Variants in RSAD2 observed in about 807,000 individuals in gnomAD.
The protein encoded by RSAD2 is S-adenosylmethionine-dependent nucleotide dehydratase RSAD2.
Under a neutral mutation model 37.7 loss-of-function variants are expected in RSAD2, and 38 were observed. The observed-to-expected ratio is 1.01, with a 90% CI of 0.78 to 1.32. The LOEUF is 1.32. Ranked by LOEUF, RSAD2 falls within the 40% of genes most tolerant of loss-of-function variation. The pLI is 0.00. For synonymous variants in RSAD2, 163 were observed against 157.4 expected (o/e 1.04, Z -0.27); for missense variants, 428 against 437.5 (o/e 0.98, Z 0.19).
At chr2:6,869,389 A>G (rs1467343336) in intron 1 of RSAD2, among the ~76,000 whole-genome samples, 2 of 54 alleles carry the variant, frequency 0.037, no homozygotes, top group Non-Finnish European at 0.14. Context: ...CATGAAAAGA[A>G]AAAAAAAATT....
rs184241723 is a variant in RSAD2 at position 6,884,882 on chromosome 2, G to T, written c.508+1350G>T. ...CAAAAATCTACAATTATAAATATTT[G>T]AAAATAATTAGAAATATTTTTAGGC... On this transcript the variant is annotated intron_variant, in intron 2 of 5. Transcript: ENST00000382040. Among the ~76,000 whole-genome samples the T allele has an allele frequency of 3.0e-3, 454 of 152,216 alleles. 3 individuals carry two copies. The highest frequency in any genetic ancestry group is 9.9e-3 in the African/African-American group (410 of 41,534).
chr2:6,866,316 G>A (rs1188827753), intron 1 of RSAD2: 15 of 521,900 alleles, frequency 2.9e-5, no homozygotes, highest in Non-Finnish European at 3.7e-5. Flanking sequence ...ATCCTGCAGA[G>A]CTGCTTTCCT....
intron 1 of RSAD2, among the ~76,000 whole-genome samples, chr2:6,883,129 C>T (rs1255042438): frequency 1.3e-5 from 2 of 152,156 alleles, no homozygotes; most frequent in African/African-American, 2.4e-5. Flanking sequence ...TCATTGTACC[C>T]TTTGGTGTCT....
intron 1 of RSAD2, chr2:6,866,123 T>G (rs1663082338): frequency 4.6e-6 from 1 of 219,622 alleles, no homozygotes. Flanking sequence ...TTATGCCGGG[T>G]GCATGGAGGG....
intron 5 of RSAD2, among the ~76,000 whole-genome samples, chr2:6,895,157 A>C (rs1277453200): frequency 1.3e-5 from 2 of 152,234 alleles, no homozygotes; most frequent in Non-Finnish European, 2.9e-5. Context: ...GGATGGAATA[A>C]GATTAAAACA....
intron 4 of RSAD2, among the ~76,000 whole-genome samples, chr2:6,891,305 C>A (rs979296233): frequency 6.6e-6 from 1 of 152,096 alleles, no homozygotes; most frequent in Non-Finnish European, 1.5e-5. Flanking sequence ...GAGGCAAGTT[C>A]ATATTGTTAG....
At position 6,883,453 on chromosome 2, in the gene RSAD2, C is replaced by T; in HGVS notation, c.429C>T (p.Cys143=). 2 of 1,614,140 alleles carry T rather than the reference C, an allele frequency of 1.2e-6. No homozygotes were observed. The highest frequency in any genetic ancestry group is 1.7e-6 in the Non-Finnish European group (2 of 1,180,038). The part of the protein sequence containing the change: ...GEYLGKLVRF[C]KVELRLPSVS... ...ACCTGGGCAAGTTGGTGAGGTTCTG[C>T]AAAGTAGAGTTGCGGCTGCCCAGCG... The change falls in exon 2 of 6, where the codon TGC becomes TGT. Residue 143 remains cysteine, a synonymous_variant. Coordinates refer to ENST00000382040, the MANE Select transcript of RSAD2 (RefSeq NM_080657.5).
upstream of RSAD2, chr2:6,876,838 C>T (rs537011273): frequency 1.8e-4 from 27 of 152,278 alleles, no homozygotes; most frequent in African/African-American, 6.0e-4. Context: ...GCCTGAGATA[C>T]GTTGCTTTGC....
At chr2:6,869,365 CACACAT>C (rs1218664781) in intron 1 of RSAD2, among the ~76,000 whole-genome samples, 2 of 142,372 alleles carry the variant, frequency 1.4e-5, no homozygotes. Flanking sequence ...CATGCACACA[CACACAT>C]ACACACTCAT....
At chr2:6,893,873 G>C (rs1663685009) in intron 5 of RSAD2, among the ~76,000 whole-genome samples, 170 bp downstream of exon 5, 1 of 152,200 alleles carries the variant, frequency 6.6e-6, no homozygotes, top group Non-Finnish European at 1.5e-5. Context: ...TCACTTCACA[G>C]GGTCAAATGT....
At chr2:6,874,196 C>T (rs1663245601), upstream of RSAD2, among the ~76,000 whole-genome samples, 1 of 152,106 alleles carries the variant, frequency 6.6e-6, no homozygotes, top group Admixed American at 6.6e-5. Flanking sequence ...CCTTTTCCTT[C>T]TGTCATGATT....
chr2:6,868,200 A>G (rs1663141200), intron 1 of RSAD2, among the ~76,000 whole-genome samples: 2 of 152,200 alleles, frequency 1.3e-5, no homozygotes, highest in Non-Finnish European at 2.9e-5. Flanking sequence ...TGCTCCTAAG[A>G]AAAAAAGAAA....
chr2:6,878,244 C>A, intron 1 of RSAD2, 98 bp downstream of exon 1: 1 of 987,076 alleles, frequency 1.0e-6, no homozygotes, highest in Non-Finnish European at 1.5e-6. Context: ...TGGAGAGCTT[C>A]TCCAAAGCTT....
chr2:6,872,283 C>A (rs1263182940), intron 1 of RSAD2, among the ~76,000 whole-genome samples: 4 of 152,136 alleles, frequency 2.6e-5, no homozygotes, highest in African/African-American at 9.7e-5. Flanking sequence ...ATACTTTTGG[C>A]TTCTTAATTC....
At position 6,877,790 on chromosome 2, in the gene RSAD2, C is replaced by A. The variant is rs766010756; in HGVS notation, c.-11C>A. ...CATACAGAGACTGCTCTGCTCCAGG[C>A]ATCTGCCACAATGTGGGTGCTTACA... On this transcript the variant is annotated 5_prime_UTR_variant, in exon 1 of 6. Transcript: ENST00000382040. 1.2e-6 allele frequency: 2 copies of A among 1,608,538 alleles called. No homozygotes were observed. The highest frequency in any genetic ancestry group is 1.7e-6 in the Non-Finnish European group (2 of 1,176,330).
rs1663802751 is a variant in RSAD2 at position 6,897,544 on chromosome 2, G to C, written c.*1602G>C. 1 of 152,154 alleles carries C rather than the reference G, an allele frequency of 6.6e-6. No homozygotes were observed. Among genetic ancestry groups the C allele is most frequent in the Admixed American group, 6.5e-5 (1 of 15,278 alleles). 9.4% of individuals were successfully genotyped at this position (152,154 alleles called of 1,614,324 possible). A position where few individuals can be genotyped will look rare whatever the true frequency, so the allele number is the denominator to read the frequency against. On this transcript the variant is annotated 3_prime_UTR_variant, in exon 6 of 6. Coordinates refer to ENST00000382040, the MANE Select transcript of RSAD2 (RefSeq NM_080657.5). ...TGTGTGTCTCATCCAGGATAGGATA[G>C]GTTGTCTTCTATTTTCCATTTTACC...
rs140820425 is a variant in RSAD2 at position 6,890,412 on chromosome 2, C to T, written c.888+87C>T. The T allele has an allele frequency of 2.2e-5, 31 of 1,410,088 alleles. No homozygotes were observed. The East Asian group carries it at 5.5e-4, about 25-fold the overall frequency. The allele number at this position is 1,410,088 out of a possible 1,614,324, so 87.3% of individuals were successfully genotyped here. On this transcript the variant is annotated intron_variant, in intron 4 of 5. Transcript: ENST00000382040. The stretch of plus-strand genomic sequence containing the variant: ...AAGTCTCTCAGCCAAGGACCCCACA[C>T]ATTGTTATTTTAGAGGGTTCGGTGG...
intron 1 of RSAD2, among the ~76,000 whole-genome samples, chr2:6,869,537 A>T (rs1381332197): frequency 2.6e-5 from 4 of 152,220 alleles, no homozygotes; most frequent in Non-Finnish European, 5.9e-5. Flanking sequence ...GTTAAAGAAG[A>T]TGTCTGCAAC....
At chr2:6,868,936 A>G (rs1663155609) in intron 1 of RSAD2, among the ~76,000 whole-genome samples, 1 of 152,238 alleles carries the variant, frequency 6.6e-6, no homozygotes, top group South Asian at 2.1e-4. Flanking sequence ...ACTCCATGAC[A>G]TGCCAGCTTG....
Sources: gnomAD v4.1 joint callset for allele counts (sites outside exome capture counted in the v4.1 genomes callset) on GRCh38, gnomAD v4.1.1 for gene constraint, MANE v1.5 for transcripts, NCBI Gene and HGNC (gene_info 2026-07-23, HGNC 2026-07-21) for gene names.